CDK17: variants seen among roughly 807,000 people sequenced by gnomAD.
The protein encoded by CDK17 is cyclin-dependent kinase 17.
In CDK17, 24 loss-of-function variants were observed where a neutral mutation model predicts 77.6. That is an observed-to-expected ratio of 0.31 (90% CI 0.22 to 0.44). CDK17 has a LOEUF of 0.44. Among genes scored for constraint, CDK17 ranks in the 20% least tolerant of loss-of-function variants. The probability of loss-of-function intolerance (pLI) is 1.00; values close to 1 mark genes in which losing one functional copy is unlikely to be tolerated. For missense variants in CDK17, 429 were observed against 622.5 expected, an observed-to-expected ratio of 0.69 and a Z score of 3.31; for synonymous variants, 203 against 210.4, an observed-to-expected ratio of 0.96 and a Z score of 0.30.
At chr12:96,359,023 T>C (rs1262000987) in intron 1 of CDK17, among the ~76,000 whole-genome samples, 1 of 151,900 alleles carries the variant, frequency 6.6e-6, no homozygotes, top group African/African-American at 2.4e-5. Context: ...TTTGACATCA[T>C]TAGGTATAAA....
Position 96,300,487 on chromosome 12 carries a change from C to A in CDK17, c.544-127G>T, listed in dbSNP as rs140231351. The A allele has an allele frequency of 2.1e-5, 12 of 573,420 alleles. No homozygotes were observed. In the East Asian group the frequency reaches 2.9e-4, roughly 14 times the overall value. 35.5% of individuals were successfully genotyped at this position (573,420 alleles called of 1,614,324 possible). ...TCTTGGCTTACTGCAACCTCCACCT[C>A]GCGGGTTCAAGTGATTCTCCTGCCT... On this transcript the variant is annotated intron_variant, in intron 5 of 16. Coordinates refer to ENST00000261211, the MANE Select transcript of CDK17 (RefSeq NM_002595.5).
rs554273807 is a variant in CDK17, at chr12:96,360,207, C to T, written c.-29-25342G>A. ...TCAGCATGACCCTGTATCCAGCATA[C>T]GTTTAGGTACTAACGAAGAAAGTAC... On this transcript the variant is annotated intron_variant, in intron 1 of 16. Coordinates refer to ENST00000261211, the MANE Select transcript of CDK17 (RefSeq NM_002595.5). Among the ~76,000 whole-genome samples, 5 of 152,230 alleles carry T rather than the reference C, an allele frequency of 3.3e-5. No homozygotes were observed. In the South Asian group the frequency reaches 6.2e-4, roughly 19 times the overall value.
chr12:96,339,206 A>G (rs1953088891), intron 1 of CDK17, among the ~76,000 whole-genome samples: 1 of 152,234 alleles, frequency 6.6e-6, no homozygotes, highest in African/African-American at 2.4e-5. Flanking sequence ...TCTGTAACAC[A>G]GAGTAACTAT....
intron 5 of CDK17, among the ~76,000 whole-genome samples, chr12:96,309,547 A>G (rs1952620046): frequency 6.6e-6 from 1 of 152,224 alleles, no homozygotes; most frequent in Admixed American, 6.5e-5. Flanking sequence ...ACTAAATATT[A>G]AGAAAATATA....
In CDK17 at chr12:96,322,200, C is replaced by A. The variant is rs73366514; in HGVS notation, c.283+1748G>T. 5.7e-3 allele frequency among the ~76,000 whole-genome samples: 870 copies of A among 152,204 alleles called. 12 individuals carry two copies. Among genetic ancestry groups the A allele is most frequent in the African/African-American group, 0.019 (805 of 41,534 alleles). On this transcript the variant is annotated intron_variant, in intron 3 of 16. Coordinates refer to ENST00000261211, the MANE Select transcript of CDK17 (RefSeq NM_002595.5). ...GCTTGTCAGAACTTTACTCATCTGTCAAGGGGGGAAGAGGGATATCTCTCT... is the reference window on the plus strand; with the variant it reads ...GCTTGTCAGAACTTTACTCATCTGTAAAGGGGGGAAGAGGGATATCTCTCT...
At chr12:96,388,391 GC>G (rs1027438729) in intron 1 of CDK17, among the ~76,000 whole-genome samples, 22 of 152,100 alleles carry the variant, frequency 1.4e-4, no homozygotes, top group African/African-American at 5.3e-4. Context: ...GTCTATATGT[GC>G]CACCTCCACC....
At chr12:96,363,487 A>G (rs1953529992) in intron 1 of CDK17, among the ~76,000 whole-genome samples, 1 of 149,662 alleles carries the variant, frequency 6.7e-6, no homozygotes, top group Non-Finnish European at 1.5e-5. Context: ...CCCCCTGTGC[A>G]GGGGTTCCAC....
intron 1 of CDK17, among the ~76,000 whole-genome samples, chr12:96,362,251 C>G (rs190049604): frequency 1.3e-5 from 2 of 151,640 alleles, no homozygotes; most frequent in Non-Finnish European, 2.9e-5. Flanking sequence ...GACAGAGTAT[C>G]ACTGTCACTC....
In CDK17 at chr12:96,279,604, A is replaced by G. The variant is rs918176454; in HGVS notation, c.*638T>C. 1 of 152,310 alleles carries G rather than the reference A, an allele frequency of 6.6e-6. No individual in the cohort carries two copies. The highest frequency in any genetic ancestry group is 6.5e-5 in the Admixed American group (1 of 15,278). 9.4% of individuals were successfully genotyped at this position (152,310 alleles called of 1,614,324 possible). A position where few individuals can be genotyped will look rare whatever the true frequency, so the allele number is the denominator to read the frequency against. On this transcript the variant is annotated 3_prime_UTR_variant, in exon 17 of 17. Coordinates refer to ENST00000261211, the MANE Select transcript of CDK17 (RefSeq NM_002595.5). ...GAGATCCTCAAAATGTCAGGGATTC[A>G]CTTGCTTGAATCAACTTCTGCATCA...
At chr12:96,314,694 C>T (rs1392014486) in intron 3 of CDK17, among the ~76,000 whole-genome samples, 1 of 152,220 alleles carries the variant, frequency 6.6e-6, no homozygotes, top group Non-Finnish European at 1.5e-5. Context: ...GAAACAAATG[C>T]TGGATCTCTA....
intron 10 of CDK17, among the ~76,000 whole-genome samples, chr12:96,294,575 T>G (rs1952374819): frequency 1.7e-5 from 1 of 59,378 alleles, no homozygotes; most frequent in Non-Finnish European, 3.0e-5. Flanking sequence ...AACAGCAAAA[T>G]GCTGTCTTCA....
chr12:96,288,967 G>A (rs559500193), intron 11 of CDK17, among the ~76,000 whole-genome samples, 200 bp downstream of exon 11: 30 of 152,284 alleles, frequency 2.0e-4, no homozygotes, highest in South Asian at 4.1e-4. Flanking sequence ...TTTGAATAAA[G>A]TTAACACATA....
intron 1 of CDK17, among the ~76,000 whole-genome samples, chr12:96,349,779 G>C (rs1238724388): frequency 1.3e-5 from 2 of 151,824 alleles, no homozygotes; most frequent in Non-Finnish European, 2.9e-5. Context: ...GAACAATTAG[G>C]CAAGAAAAAG....
At chr12:96,315,916 T>A (rs746664902) in intron 3 of CDK17, among the ~76,000 whole-genome samples, 1 of 151,934 alleles carries the variant, frequency 6.6e-6, no homozygotes, top group Non-Finnish European at 1.5e-5. Context: ...TTTTGAGACT[T>A]ACAGGGTACA....
chr12:96,317,401 C>CA (rs1380275132), intron 3 of CDK17, among the ~76,000 whole-genome samples: 5 of 109,270 alleles, frequency 4.6e-5, no homozygotes, highest in Non-Finnish European at 5.7e-5. Flanking sequence ...AGAACTTCCC[C>CA]AATCTAGCAA....
At chr12:96,293,724 C>T (rs1952360025) in intron 10 of CDK17, among the ~76,000 whole-genome samples, 1 of 152,120 alleles carries the variant, frequency 6.6e-6, no homozygotes, top group Non-Finnish European at 1.5e-5. Flanking sequence ...ATGCATTAGC[C>T]ATTTGGAAAA....
intron 2 of CDK17, among the ~76,000 whole-genome samples, chr12:96,324,896 A>T (rs1952873340): frequency 6.6e-6 from 1 of 152,196 alleles, no homozygotes; most frequent in Non-Finnish European, 1.5e-5. Flanking sequence ...AAACCGAAGT[A>T]CCTAAATACA....
At chr12:96,395,561 T>C (rs1592779051) in intron 1 of CDK17, among the ~76,000 whole-genome samples, 1 of 152,220 alleles carries the variant, frequency 6.6e-6, no homozygotes, top group African/African-American at 2.4e-5. Flanking sequence ...ATACTTAGCA[T>C]AGTGCCTAGT....
chr12:96,346,597 C>T (rs1042666937), intron 1 of CDK17, among the ~76,000 whole-genome samples: 1 of 150,566 alleles, frequency 6.6e-6, no homozygotes, highest in Non-Finnish European at 1.5e-5. Flanking sequence ...CACTGCACTC[C>T]AGCCTGGGCA....
Sources: gnomAD v4.1 joint callset for allele counts (sites outside exome capture counted in the v4.1 genomes callset) on GRCh38, gnomAD v4.1.1 for gene constraint, MANE v1.5 for transcripts, NCBI Gene and HGNC (gene_info 2026-07-23, HGNC 2026-07-21) for gene names.